The following AFF2 variants were observed in gnomAD, a reference collection of about 807,000 sequenced individuals.
AFF2 encodes the protein ALF transcription elongation factor 2.
AFF2 carries 14 observed loss-of-function variants against 76.9 expected under a neutral mutation model. That is an observed-to-expected ratio of 0.18 (90% CI 0.12 to 0.28). The LOEUF is 0.28. Ranked by LOEUF, AFF2 falls within the 10% of genes least tolerant of loss-of-function variation. AFF2 has a pLI of 1.00. For synonymous variants in AFF2, 398 were observed against 366.7 expected, an observed-to-expected ratio of 1.09 and a Z score of -0.98; for missense variants, 868 against 1,001.1, an observed-to-expected ratio of 0.87 and a Z score of 1.79.
At chrX:148,673,062 C>G (rs2054442564) in intron 3 of AFF2, among the ~76,000 whole-genome samples, 1 of 112,014 alleles carries the variant, frequency 8.9e-6, no homozygotes, top group Admixed American at 9.4e-5. Flanking sequence ...AAGGAACAGA[C>G]AGAATTTGTG....
In AFF2 at chrX:148,960,686, C is replaced by T. The variant is rs782654035; in HGVS notation, c.2691-2029C>T. 7.9e-4 allele frequency among the ~76,000 whole-genome samples: 89 copies of T among 112,280 alleles called. 1 individual carries two copies. Among genetic ancestry groups the T allele is most frequent in the African/African-American group, 2.7e-3 (83 of 31,002 alleles). On this transcript the variant is annotated intron_variant, in intron 12 of 20. Coordinates refer to ENST00000370460, the MANE Select transcript of AFF2 (RefSeq NM_002025.4). ...AGACAACATTCACTTTTCTAAATGA[C>T]TATTCTAAACCTAACAAAGATTCCA...
intron 4 of AFF2, among the ~76,000 whole-genome samples, chrX:148,816,860 C>A (rs16992926): frequency 0.015 from 1,532 of 104,953 alleles, 31 homozygotes; most frequent in African/African-American, 0.051. Context: ...AGCCACAGCC[C>A]TGACTGGTCC....
At chrX:148,912,676 C>T (rs2052067551) in intron 9 of AFF2, among the ~76,000 whole-genome samples, 2 of 112,209 alleles carry the variant, frequency 1.8e-5, no homozygotes, top group Admixed American at 1.9e-4. Flanking sequence ...TTTCTGGATT[C>T]TCTATTCTGT....
At chrX:148,796,135 G>A (rs2069979448) in intron 3 of AFF2, among the ~76,000 whole-genome samples, 1 of 108,848 alleles carries the variant, frequency 9.2e-6, no homozygotes, top group Non-Finnish European at 1.9e-5. Flanking sequence ...ATATGTTGGT[G>A]AGTTTATTTA....
intron 1 of AFF2, among the ~76,000 whole-genome samples, chrX:148,643,388 C>T (rs1214720237): frequency 1.8e-5 from 2 of 111,877 alleles, no homozygotes; most frequent in African/African-American, 3.2e-5. Flanking sequence ...TTTTTATAAG[C>T]TTCCAAGTCA....
rs1316335958 is a variant in AFF2, at chrX:148,906,231, A to G, written c.1397+1973A>G. On this transcript the variant is annotated intron_variant, in intron 9 of 20. Transcript: ENST00000370460. Reference sequence around the variant, plus strand: ...TCAAAGTTTTTAAAAAGTTTTATACATAGTGGTCCTTTTGCCATTTCTGAT... The same window carrying G: ...TCAAAGTTTTTAAAAAGTTTTATACGTAGTGGTCCTTTTGCCATTTCTGAT... Among the ~76,000 whole-genome samples, 4 of 112,115 alleles carry G rather than the reference A, an allele frequency of 3.6e-5. No individual in the cohort carries two copies. In the South Asian group the frequency reaches 1.1e-3, roughly 32 times the overall value.
intron 1 of AFF2, among the ~76,000 whole-genome samples, chrX:148,544,016 C>T (rs893314445): frequency 4.5e-5 from 5 of 111,726 alleles, no homozygotes; most frequent in Non-Finnish European, 9.4e-5. Flanking sequence ...CAAGAAACAT[C>T]GAAAAGGTCA....
intron 3 of AFF2, among the ~76,000 whole-genome samples, chrX:148,769,438 G>A (rs1160018003): frequency 9.0e-6 from 1 of 111,635 alleles, no homozygotes; most frequent in Non-Finnish European, 1.9e-5. Context: ...GTAACAGGCA[G>A]CAGGGACAAT....
chrX:148,920,235 C>T (rs1326450861), intron 9 of AFF2, among the ~76,000 whole-genome samples: 2 of 111,443 alleles, frequency 1.8e-5, no homozygotes, highest in Non-Finnish European at 3.8e-5. Flanking sequence ...GAAATCCAGA[C>T]ATATTGATCC....
chrX:148,871,996 G>A (rs781800165), intron 7 of AFF2, among the ~76,000 whole-genome samples: 72 of 111,312 alleles, frequency 6.5e-4, no homozygotes, highest in Non-Finnish European at 1.2e-3. Context: ...GCCGTACTTC[G>A]TTATGCAGGA....
intron 1 of AFF2, among the ~76,000 whole-genome samples, chrX:148,576,978 C>T (rs1403125429): frequency 9.0e-6 from 1 of 111,687 alleles, no homozygotes; most frequent in Non-Finnish European, 1.9e-5. Context: ...TAGGGCTGCT[C>T]AGTCACAGGT....
chrX:148,692,663 G>A (rs1557260846), intron 3 of AFF2, among the ~76,000 whole-genome samples: 1 of 111,680 alleles, frequency 9.0e-6, no homozygotes, highest in East Asian at 2.8e-4. Context: ...TTATATATAA[G>A]CATATAAAAC....
rs782357685 is a variant in AFF2, at chrX:148,565,427, G to GAAAAAA, written c.47+64284_47+64285insAAAAAA. ...ATTTGGATTTTATTCCTGCAACACA[G>GAAAAAA]AGCTAGAAAAATTTTAAGGTCATTA... On this transcript the variant is annotated intron_variant, in intron 1 of 20. Transcript: ENST00000370460. Among the ~76,000 whole-genome samples the GAAAAAA allele has an allele frequency of 3.0e-3, 336 of 111,409 alleles. 2 individuals are homozygous for GAAAAAA. Among genetic ancestry groups the GAAAAAA allele is most frequent in the Non-Finnish European group, 4.4e-3 (231 of 53,039 alleles).
chrX:148,552,484 T>C (rs113161829), intron 1 of AFF2, among the ~76,000 whole-genome samples: 2,214 of 112,030 alleles, frequency 0.02, 43 homozygotes, highest in African/African-American at 0.069. Context: ...TCTATCCACC[T>C]GGGGAGGATA....
At chrX:148,788,136 C>A (rs2069846434) in intron 3 of AFF2, among the ~76,000 whole-genome samples, 1 of 111,611 alleles carries the variant, frequency 9.0e-6, no homozygotes, top group Non-Finnish European at 1.9e-5. Context: ...GCTCAGCTTC[C>A]ATGCATTTGG....
chrX:148,935,984 CCTTTT>C (rs2071771205), intron 9 of AFF2, among the ~76,000 whole-genome samples: 1 of 109,585 alleles, frequency 9.1e-6, no homozygotes, highest in Non-Finnish European at 1.9e-5. Flanking sequence ...TAATATTTTG[CCTTTT>C]CTTTTGACAT....
intron 1 of AFF2, among the ~76,000 whole-genome samples, chrX:148,641,488 A>G (rs1440101205): frequency 8.9e-6 from 1 of 111,904 alleles, no homozygotes; most frequent in Non-Finnish European, 1.9e-5. Flanking sequence ...TAGAAGGGAC[A>G]GGATTAGAAT....
chrX:148,582,902 A>T (rs1557245287), intron 1 of AFF2, among the ~76,000 whole-genome samples: 1 of 112,345 alleles, frequency 8.9e-6, no homozygotes, highest in East Asian at 2.8e-4. Flanking sequence ...ATGGAATATT[A>T]TTCAGCCACG....
At chrX:148,694,517 G>A (rs781977740) in intron 3 of AFF2, among the ~76,000 whole-genome samples, 1 of 111,276 alleles carries the variant, frequency 9.0e-6, no homozygotes, top group South Asian at 3.8e-4. Context: ...AGTTCATAAA[G>A]TTCAATAGCT....
Sources: allele counts gnomAD v4.1 joint callset (sites outside exome capture counted in the v4.1 genomes callset), GRCh38; gene constraint gnomAD v4.1.1; transcripts MANE v1.5; gene names NCBI Gene and HGNC (gene_info 2026-07-23, HGNC 2026-07-21).